GDAP2: variants seen among roughly 807,000 people sequenced by gnomAD.
The protein encoded by GDAP2 is ganglioside-induced differentiation-associated protein 2.
A neutral mutation model predicts 67.0 loss-of-function variants in GDAP2; 51 were observed. The observed-to-expected ratio is 0.76, with a 90% CI of 0.61 to 0.96. GDAP2 has a LOEUF of 0.96. Among genes scored for constraint, GDAP2 ranks in the 40% least tolerant of loss-of-function variants. The pLI, the probability that GDAP2 is intolerant of heterozygous loss-of-function variation, is 0.00. For synonymous variants in GDAP2, 203 were observed against 207.3 expected, an observed-to-expected ratio of 0.98 and a Z score of 0.18; for missense variants, 547 against 588.3, an observed-to-expected ratio of 0.93 and a Z score of 0.73.
intron 10 of GDAP2, 150 bp downstream of exon 10, chr1:117,886,427 T>C (rs1366090028): frequency 3.5e-6 from 2 of 572,514 alleles, no homozygotes; most frequent in African/African-American, 1.9e-5. Context: ...ACTGAAATGA[T>C]ACAGGTCCAC....
chr1:117,899,298 C>T lies in GDAP2; in HGVS notation c.637-82G>A. On this transcript the variant is annotated intron_variant, in intron 6 of 13. Coordinates refer to ENST00000369443, the MANE Select transcript of GDAP2 (RefSeq NM_017686.4). ...AGCAGTACTTAGTGCTGTTCATACA[C>T]TGTGAAGACAACCTCCATCAAGAAT... 9 of 888,876 alleles carry T rather than the reference C, an allele frequency of 1.0e-5. No individual in the cohort carries two copies. In the South Asian group the frequency reaches 1.3e-4, roughly 13 times the overall value. 55.1% of individuals were successfully genotyped at this position (888,876 alleles called of 1,614,324 possible). A position where few individuals can be genotyped will look rare whatever the true frequency, so the allele number is the denominator to read the frequency against.
rs1361111081 is a variant in GDAP2 at position 117,920,208 on chromosome 1, CTTA to C, written c.147_149del (p.Asn49del). The C allele has an allele frequency of 1.9e-6, 3 of 1,604,790 alleles. No individual in the cohort carries two copies. Among genetic ancestry groups the C allele is most frequent in the Non-Finnish European group, 2.6e-6 (3 of 1,173,462 alleles). On this transcript the variant is annotated inframe_deletion, in exon 2 of 14. Transcript: ENST00000369443. ...AAAGAACCACTTTTCCATTGACGTC[CTTA>C]TTATAAAGAAAAGGTGATCGAACAG... is the stretch of plus-strand genomic sequence containing the variant.
chr1:117,919,436 T>G (rs577369688), intron 2 of GDAP2, among the ~76,000 whole-genome samples: 4 of 152,216 alleles, frequency 2.6e-5, no homozygotes, highest in African/African-American at 9.6e-5. Flanking sequence ...GAAAACATTA[T>G]GCTAAGTCAC....
At chr1:117,871,396 T>C (rs1237526129) in intron 13 of GDAP2, among the ~76,000 whole-genome samples, 4 of 152,216 alleles carry the variant, frequency 2.6e-5, no homozygotes, top group Admixed American at 6.5e-5. Flanking sequence ...AGACTTAAGA[T>C]TGCTTTCTCA....
intron 5 of GDAP2, among the ~76,000 whole-genome samples, chr1:117,910,591 T>C (rs1649818686): frequency 6.6e-6 from 1 of 152,160 alleles, no homozygotes; most frequent in African/African-American, 2.4e-5. Flanking sequence ...AAATATCTTT[T>C]TGGTATTTGT....
intron 3 of GDAP2, among the ~76,000 whole-genome samples, chr1:117,914,645 A>G (rs1053538269): frequency 2.6e-5 from 4 of 152,170 alleles, no homozygotes; most frequent in African/African-American, 9.6e-5. Flanking sequence ...TAAGAGCACT[A>G]AGAAACAAAG....
Position 117,912,682 on chromosome 1 carries a change from C to T in GDAP2, c.318G>A (p.Gly106=). The change falls in exon 4 of 14, where the codon GGG becomes GGA. Residue 106 remains glycine (G), a splice_region_variant and synonymous_variant. Coordinates refer to ENST00000369443, the MANE Select transcript of GDAP2 (RefSeq NM_017686.4). ...DLKEDLQKLK[G]CRTGEAKLTK... Reference sequence around the variant, plus strand: ...TCAATTTTGCTTCACCTGTTCGGCACCCTGAAAACAATGGAAACACACATA... The same window carrying T: ...TCAATTTTGCTTCACCTGTTCGGCATCCTGAAAACAATGGAAACACACATA... 2 of 1,612,086 alleles carry T rather than the reference C, an allele frequency of 1.2e-6. No homozygotes were observed. The highest frequency in any genetic ancestry group is 1.1e-5 in the South Asian group (1 of 90,894).
At position 117,866,875 on chromosome 1, in the gene GDAP2, A is replaced by AAAAAAG. The variant is rs1241053884; in HGVS notation, c.*3688_*3693dup. On this transcript the variant is annotated 3_prime_UTR_variant, in exon 14 of 14. Coordinates refer to ENST00000369443, the MANE Select transcript of GDAP2 (RefSeq NM_017686.4). ...AAGTACAGTAAGGCCCTTTAAAAAA[A>AAAAAAG]AAAAAGAAAAAGAAAAAGAAACCTA... is the stretch of plus-strand genomic sequence containing the variant. 1 of 151,704 alleles carries AAAAAAG rather than the reference A, an allele frequency of 6.6e-6. No homozygotes were observed. The highest frequency in any genetic ancestry group is 1.5e-5 in the Non-Finnish European group (1 of 67,976). 9.4% of individuals were successfully genotyped at this position (151,704 alleles called of 1,614,324 possible). A position where few individuals can be genotyped will look rare whatever the true frequency, so the allele number is the denominator to read the frequency against.
rs1212807524 is a variant in GDAP2, at chr1:117,868,881, A to T, written c.*1688T>A. 6.6e-6 allele frequency: 1 copy of T among 152,208 alleles called. No homozygotes were observed. The highest frequency in any genetic ancestry group is 1.5e-5 in the Non-Finnish European group (1 of 68,040). 9.4% of individuals were successfully genotyped at this position (152,208 alleles called of 1,614,324 possible). A position where few individuals can be genotyped will look rare whatever the true frequency, so the allele number is the denominator to read the frequency against. On this transcript the variant is annotated 3_prime_UTR_variant, in exon 14 of 14. Transcript: ENST00000369443. ...AAGGATCAAGTAATTTTGAGGTCTGACACAAAGAAAATGTGTTCAATACAT... is the reference window on the plus strand; with the variant it reads ...AAGGATCAAGTAATTTTGAGGTCTGTCACAAAGAAAATGTGTTCAATACAT...
chr1:117,907,930 T>C (rs1480141801), intron 5 of GDAP2, among the ~76,000 whole-genome samples: 1 of 152,178 alleles, frequency 6.6e-6, no homozygotes, highest in African/African-American at 2.4e-5. Flanking sequence ...ACGCCAACTG[T>C]CCACTTTCCC....
Position 117,896,983 on chromosome 1 carries a change from T to C in GDAP2, c.803A>G (p.Gln268Arg). 1.9e-6 allele frequency: 3 copies of C among 1,598,546 alleles called. No homozygotes were observed. The highest frequency in any genetic ancestry group is 1.3e-5 in the African/African-American group (1 of 74,130). Residue 268 changes from glutamine to arginine, a missense_variant, in exon 8 of 14, where the codon CAA becomes CGA. Gln to Arg is a conservative substitution (Grantham distance 43). Transcript: ENST00000369443. ...SEKPGAPEDN[Q>R]EEEDEGLGVD... Reference sequence around the variant, plus strand: ...TCCCAAGCCTTCATCCTCCTCTTCTTGGTTATCTGTAACAAAAATGCAACT... The same window carrying C: ...TCCCAAGCCTTCATCCTCCTCTTCTCGGTTATCTGTAACAAAAATGCAACT...
chr1:117,926,070 T>C (rs1650434346), intron 1 of GDAP2, among the ~76,000 whole-genome samples: 1 of 152,234 alleles, frequency 6.6e-6, no homozygotes, highest in South Asian at 2.1e-4. Context: ...TCCTCCTTTA[T>C]TTCTTCTACT....
chr1:117,916,750 G>A (rs1420567765), intron 3 of GDAP2, among the ~76,000 whole-genome samples: 2 of 152,064 alleles, frequency 1.3e-5, no homozygotes, highest in African/African-American at 2.4e-5. Context: ...AATGGAATGG[G>A]AGGCTGGGCA....
intron 3 of GDAP2, among the ~76,000 whole-genome samples, chr1:117,915,583 T>A (rs1650022959): frequency 6.6e-6 from 1 of 152,240 alleles, no homozygotes. Context: ...AATATGTACA[T>A]GATTACCTTA....
chr1:117,874,765 A>C lies in GDAP2; in HGVS notation c.1446+3244T>G, dbSNP rs1192443543. 2.0e-5 allele frequency among the ~76,000 whole-genome samples: 3 copies of C among 152,236 alleles called. No homozygotes were observed. In the East Asian group the frequency reaches 5.8e-4, roughly 29 times the overall value. On this transcript the variant is annotated intron_variant, in intron 13 of 13. Transcript: ENST00000369443. ...GTGACCAAAATGCTGATAGAAATACAGACAGTAAAGGCCATGCTGATAAGG... is the reference window on the plus strand; with the variant it reads ...GTGACCAAAATGCTGATAGAAATACCGACAGTAAAGGCCATGCTGATAAGG...
At chr1:117,895,863 T>C (rs927398722) in intron 8 of GDAP2, among the ~76,000 whole-genome samples, 2 of 152,106 alleles carry the variant, frequency 1.3e-5, no homozygotes, top group Non-Finnish European at 2.9e-5. Context: ...CATGCAGACA[T>C]CATTACAATA....
intron 10 of GDAP2, among the ~76,000 whole-genome samples, chr1:117,885,741 G>A (rs1325387220): frequency 2.0e-5 from 3 of 151,956 alleles, no homozygotes; most frequent in Non-Finnish European, 4.4e-5. Flanking sequence ...GTGTAATTTT[G>A]CATTTTTAAG....
rs1193886307 is a variant in GDAP2, at chr1:117,870,397, A to G, written c.*172T>C. On this transcript the variant is annotated 3_prime_UTR_variant, in exon 14 of 14. Transcript: ENST00000369443. The stretch of plus-strand genomic sequence containing the variant: ...TGTGTGCAGTTCAGAATGGCCTACC[A>G]TTTTTAGATTGCTTATGTGCCAGAA... 1 of 600,940 alleles carries G rather than the reference A, an allele frequency of 1.7e-6. No individual in the cohort carries two copies. The highest frequency in any genetic ancestry group is 2.9e-5 in the East Asian group (1 of 34,580). 37.2% of individuals were successfully genotyped at this position (600,940 alleles called of 1,614,324 possible).
At chr1:117,913,767 C>T (rs1018000464) in intron 3 of GDAP2, among the ~76,000 whole-genome samples, 1 of 152,190 alleles carries the variant, frequency 6.6e-6, no homozygotes, top group Non-Finnish European at 1.5e-5. Flanking sequence ...TGCTTCGGTT[C>T]CCTCAAAATT....
Sources: gnomAD v4.1 joint callset for allele counts (sites outside exome capture counted in the v4.1 genomes callset) on GRCh38, gnomAD v4.1.1 for gene constraint, MANE v1.5 for transcripts, NCBI Gene and HGNC (gene_info 2026-07-23, HGNC 2026-07-21) for gene names.